SEMA5A: variants seen among roughly 807,000 people sequenced by gnomAD.
SEMA5A encodes the protein semaphorin 5A, also known as semaphorin-5A.
In SEMA5A, 55 loss-of-function variants were observed where a neutral mutation model predicts 135.5. That is an observed-to-expected ratio of 0.41 (90% CI 0.33 to 0.51). The LOEUF (loss-of-function observed/expected upper bound fraction) is 0.51, where lower values mean the gene tolerates loss of function less well. SEMA5A is among the 20% of genes least tolerant of loss of function. The pLI is 0.37. For synonymous variants in SEMA5A, 580 were observed against 546.5 expected, an observed-to-expected ratio of 1.06 and a Z score of -0.85; for missense variants, 1,290 against 1,419.9, an observed-to-expected ratio of 0.91 and a Z score of 1.47.
At chr5:9,242,659 T>C (rs1210907062) in intron 5 of SEMA5A, among the ~76,000 whole-genome samples, 1 of 152,178 alleles carries the variant, frequency 6.6e-6, no homozygotes, top group East Asian at 1.9e-4. Context: ...ACCAACGTGG[T>C]GCAGTGTATA....
rs1054301953 is a variant in SEMA5A at position 9,042,803 on chromosome 5, A to G, written c.*94T>C. Reference sequence around the variant, plus strand: ...TTGAAATGCACTTGAAATGTATCCAAACTTCGACTCTGAAGCCTCAGAAAC... The same window carrying G: ...TTGAAATGCACTTGAAATGTATCCAGACTTCGACTCTGAAGCCTCAGAAAC... On this transcript the variant is annotated 3_prime_UTR_variant, in exon 23 of 23. Coordinates refer to ENST00000382496, the MANE Select transcript of SEMA5A (RefSeq NM_003966.3). The G allele has an allele frequency of 1.3e-6, 2 of 1,491,684 alleles. No individual in the cohort carries two copies. The highest frequency in any genetic ancestry group is 1.4e-5 in the African/African-American group (1 of 71,268). The allele number at this position is 1,491,684 out of a possible 1,614,324, so 92.4% of individuals were successfully genotyped here.
At chr5:9,188,222 T>C (rs1467852074) in intron 11 of SEMA5A, among the ~76,000 whole-genome samples, 2 of 152,208 alleles carry the variant, frequency 1.3e-5, no homozygotes, top group African/African-American at 2.4e-5. Flanking sequence ...TCTGCAAACC[T>C]GTAACAGGGC....
intron 5 of SEMA5A, among the ~76,000 whole-genome samples, chr5:9,297,637 C>T (rs1049709247): frequency 1.3e-5 from 2 of 152,126 alleles, no homozygotes; most frequent in African/African-American, 4.8e-5. Context: ...TCACTACAGC[C>T]TCAACCTCCC....
rs1054008081 is a variant in SEMA5A at position 9,476,404 on chromosome 5, T to C, written c.-174-38552A>G. ...AAGCTAATAGGTGAAAAATAGTTGA[T>C]AGTTTACATTTCTTTCATTCTGAGT... On this transcript the variant is annotated intron_variant, in intron 1 of 22. Transcript: ENST00000382496. 2.0e-5 allele frequency among the ~76,000 whole-genome samples: 3 copies of C among 152,168 alleles called. 1 individual carries two copies. The South Asian group carries it at 6.2e-4, about 31-fold the overall frequency.
chr5:9,502,721 A>G (rs1334357004), intron 1 of SEMA5A, among the ~76,000 whole-genome samples: 1 of 152,186 alleles, frequency 6.6e-6, no homozygotes, highest in African/African-American at 2.4e-5. Context: ...CTCAACTTCA[A>G]GGAGAGGAGC....
In SEMA5A at chr5:9,063,085, G is replaced by A. The variant is rs1440019798; in HGVS notation, c.2320C>T (p.Arg774Cys). ...GTGTGGGCAGAGTATCTCCCAGCAC[G>A]CAGGAAATCCCCAGAAAGCCCTGCC... ...STDGLSGDFLRAGRYSAHTVN... is the reference protein window; with the variant it reads ...STDGLSGDFLCAGRYSAHTVN... Residue 774 changes from arginine (R) to cysteine (C), a missense_variant, in exon 18 of 23, where the codon CGT becomes TGT. Physicochemically the swap from Arg to Cys is radical, Grantham distance 180. This residue lies in a region of SEMA5A where 1,029 missense variants were observed against 1,086.6 expected (regional missense o/e 0.95). Transcript: ENST00000382496. The A allele has an allele frequency of 1.1e-5, 17 of 1,613,514 alleles. No homozygotes were observed. Among genetic ancestry groups the A allele is most frequent in the East Asian group, 4.5e-5 (2 of 44,854 alleles).
At chr5:9,185,587 C>A (rs1428971223) in intron 11 of SEMA5A, among the ~76,000 whole-genome samples, 4 of 152,068 alleles carry the variant, frequency 2.6e-5, no homozygotes, top group South Asian at 2.1e-4. Flanking sequence ...GATCACATTC[C>A]TTTTAAAAAA....
chr5:9,312,651 C>T (rs1165318088), intron 5 of SEMA5A, among the ~76,000 whole-genome samples: 1 of 152,166 alleles, frequency 6.6e-6, no homozygotes, highest in Non-Finnish European at 1.5e-5. Context: ...CTCAGGGTAA[C>T]AGAGTACTTG....
intron 5 of SEMA5A, among the ~76,000 whole-genome samples, chr5:9,318,018 C>T (rs1357019487): frequency 6.6e-6 from 1 of 152,060 alleles, no homozygotes; most frequent in Non-Finnish European, 1.5e-5. Flanking sequence ...GAAATTGATG[C>T]CCGGATGCAT....
intron 2 of SEMA5A, among the ~76,000 whole-genome samples, chr5:9,437,143 C>T (rs530626726): frequency 2.6e-5 from 4 of 152,238 alleles, no homozygotes; most frequent in Non-Finnish European, 4.4e-5. Context: ...GTGGGGGCAG[C>T]GCACAGAGGT....
At chr5:9,331,414 G>A (rs562646246) in intron 4 of SEMA5A, among the ~76,000 whole-genome samples, 1 of 152,256 alleles carries the variant, frequency 6.6e-6, no homozygotes, top group Admixed American at 6.5e-5. Flanking sequence ...AAATAATTGG[G>A]AGGCCATTAG....
intron 4 of SEMA5A, among the ~76,000 whole-genome samples, chr5:9,331,664 C>T (rs1040981760): frequency 5.3e-5 from 8 of 152,144 alleles, no homozygotes; most frequent in Non-Finnish European, 1.0e-4. Context: ...AAGTTTCCTC[C>T]CTTGCCACCC....
intron 4 of SEMA5A, among the ~76,000 whole-genome samples, chr5:9,333,044 T>A (rs1186837281): frequency 6.6e-6 from 1 of 152,180 alleles, no homozygotes; most frequent in African/African-American, 2.4e-5. Flanking sequence ...ACACTCAAGC[T>A]TTTTGGGAAA....
chr5:9,285,661 A>T (rs1750762388), intron 5 of SEMA5A, among the ~76,000 whole-genome samples: 1 of 152,212 alleles, frequency 6.6e-6, no homozygotes, highest in Admixed American at 6.5e-5. Flanking sequence ...TCTCCCTGCC[A>T]ATCATTCCTC....
At position 9,323,581 on chromosome 5, in the gene SEMA5A, T is replaced by C. The variant is rs188715968; in HGVS notation, c.225-5164A>G. 5.9e-5 allele frequency among the ~76,000 whole-genome samples: 9 copies of C among 152,154 alleles called. No homozygotes were observed. The East Asian group carries it at 1.7e-3, about 29-fold the overall frequency. On this transcript the variant is annotated intron_variant, in intron 4 of 22. Transcript: ENST00000382496. ...TATATTCATGCCAGTTGATTGGTTA[T>C]ATTTTTGTTGATTTTTTATTTGTTT...
chr5:9,237,518 T>C (rs1747974198), intron 6 of SEMA5A, among the ~76,000 whole-genome samples: 1 of 152,198 alleles, frequency 6.6e-6, no homozygotes, highest in African/African-American at 2.4e-5. Context: ...TAAAATATCT[T>C]AAAAATTCAG....
At chr5:9,220,612 T>A (rs879036711) in intron 8 of SEMA5A, among the ~76,000 whole-genome samples, 1 of 151,574 alleles carries the variant, frequency 6.6e-6, no homozygotes, top group East Asian at 1.9e-4. Context: ...ATGAGAAGAG[T>A]GGGCAGAAGG....
chr5:9,442,700 GA>G (rs1758284256), intron 1 of SEMA5A, among the ~76,000 whole-genome samples: 1 of 152,024 alleles, frequency 6.6e-6, no homozygotes, highest in Non-Finnish European at 1.5e-5. Flanking sequence ...TATTCACAAA[GA>G]AAATATATTC....
intron 17 of SEMA5A, among the ~76,000 whole-genome samples, chr5:9,063,567 C>A (rs1411016602): frequency 6.6e-6 from 1 of 152,160 alleles, no homozygotes; most frequent in East Asian, 1.9e-4. Flanking sequence ...CAGCTGTTAA[C>A]CTTTCAAAGG....
Sources: allele counts gnomAD v4.1 joint callset (sites outside exome capture counted in the v4.1 genomes callset), GRCh38; gene constraint gnomAD v4.1.1; regional missense constraint gnomAD v4.1.1; transcripts MANE v1.5; gene names NCBI Gene and HGNC (gene_info 2026-07-23, HGNC 2026-07-21).